IL13RA1: variants seen among roughly 807,000 people sequenced by gnomAD.
IL13RA1 encodes interleukin-13 receptor subunit alpha-1.
Under a neutral mutation model 33.8 loss-of-function variants are expected in IL13RA1, and 14 were observed. That is an observed-to-expected ratio of 0.41 (90% CI 0.27 to 0.65). The LOEUF is 0.65. IL13RA1 is among the 30% of genes least tolerant of loss of function. The pLI, the probability that IL13RA1 is intolerant of heterozygous loss-of-function variation, is 0.28. For missense variants in IL13RA1, 313 were observed against 327.0 expected (o/e 0.96, Z 0.33); for synonymous variants, 116 against 115.7 (o/e 1.00, Z -0.02).
intron 9 of IL13RA1, among the ~76,000 whole-genome samples, chrX:118,774,230 G>T (rs1203212228): frequency 9.5e-6 from 1 of 104,899 alleles, no homozygotes; most frequent in East Asian, 3.0e-4. Context: ...GCTCACTGCA[G>T]CCTCCACCTC....
chrX:118,758,453 C>A (rs2017558008), intron 5 of IL13RA1, among the ~76,000 whole-genome samples: 1 of 111,949 alleles, frequency 8.9e-6, no homozygotes, highest in Non-Finnish European at 1.9e-5. Context: ...GATGCTTTAT[C>A]CTTGTTTAGA....
chrX:118,752,320 A>T (rs114148584), intron 4 of IL13RA1, among the ~76,000 whole-genome samples: 2,114 of 111,275 alleles, frequency 0.019, 55 homozygotes, highest in African/African-American at 0.064. Flanking sequence ...GCCCGCAGCA[A>T]ACTTCTTTCA....
chrX:118,776,547 T>G (rs2017784667), intron 10 of IL13RA1, 36 bp downstream of exon 10: 1 of 474,985 alleles, frequency 2.1e-6, no homozygotes, highest in Non-Finnish European at 3.4e-6. Flanking sequence ...AAATGTTTTT[T>G]TTTTTTTTTT....
intron 10 of IL13RA1, among the ~76,000 whole-genome samples, chrX:118,787,705 G>A (rs1003039260): frequency 2.7e-5 from 3 of 111,601 alleles, no homozygotes; most frequent in Non-Finnish European, 3.8e-5. Context: ...GCTGTTAATT[G>A]CTAATATTCC....
At chrX:118,800,988 C>G in the IL13RA1 span, among the ~76,000 whole-genome samples, 1 of 111,380 alleles carries the variant, frequency 9.0e-6, no homozygotes, top group Non-Finnish European at 1.9e-5. Flanking sequence ...GGGGGTCTCC[C>G]TGTGTTGCCC....
At chrX:118,801,312 T>C in the IL13RA1 span, among the ~76,000 whole-genome samples, 513 of 112,293 alleles carry the variant, frequency 4.6e-3, 5 homozygotes, top group African/African-American at 0.016. Flanking sequence ...CTCTTTTCTC[T>C]TGGTGTTTTA....
intron 6 of IL13RA1, among the ~76,000 whole-genome samples, chrX:118,764,974 G>A (rs1258196349): frequency 8.9e-6 from 1 of 112,219 alleles, no homozygotes; most frequent in African/African-American, 3.2e-5. Flanking sequence ...TATGTAACCA[G>A]CACCACAGAA....
At chrX:118,743,451 T>C (rs1417743172) in intron 2 of IL13RA1, among the ~76,000 whole-genome samples, 2 of 111,406 alleles carry the variant, frequency 1.8e-5, no homozygotes, top group East Asian at 5.6e-4. Context: ...TTAGTGTAAA[T>C]GGCAGCCCTC....
chrX:118,741,287 G>C (rs2017341756), intron 2 of IL13RA1, 131 bp downstream of exon 2: 3 of 467,565 alleles, frequency 6.4e-6, no homozygotes, highest in Non-Finnish European at 1.1e-5. Context: ...ATTTCAGTTG[G>C]GGAAATTATA....
At chrX:118,781,049 A>G (rs1269892509) in intron 10 of IL13RA1, among the ~76,000 whole-genome samples, 1 of 111,540 alleles carries the variant, frequency 9.0e-6, no homozygotes, top group Admixed American at 9.5e-5. Context: ...GTTCATTACT[A>G]TAGTAATGTT....
chrX:118,741,538 A>G (rs1407229123), intron 2 of IL13RA1, among the ~76,000 whole-genome samples: 1 of 111,801 alleles, frequency 8.9e-6, no homozygotes, highest in Non-Finnish European at 1.9e-5. Context: ...AATCACATGG[A>G]CAAATAGATG....
chrX:118,772,210 T>C (rs1391983187), intron 8 of IL13RA1, among the ~76,000 whole-genome samples: 1 of 112,768 alleles, frequency 8.9e-6, no homozygotes, highest in Non-Finnish European at 1.9e-5. Flanking sequence ...GTAATTTCCC[T>C]AGTCACATCT....
intron 1 of IL13RA1, chrX:118,738,031 T>C (rs1458644596): frequency 8.9e-6 from 1 of 111,851 alleles, no homozygotes; most frequent in African/African-American, 3.3e-5. Flanking sequence ...CATACATGCT[T>C]TTAATCACTT....
At chrX:118,735,870 TTCTC>T (rs1457758737) in intron 1 of IL13RA1, among the ~76,000 whole-genome samples, 1 of 111,319 alleles carries the variant, frequency 9.0e-6, no homozygotes, top group African/African-American at 3.3e-5. Context: ...TTCTTCCTCT[TTCTC>T]TCTCTTCTCC....
At chrX:118,744,719 A>AT (rs1247249592) in intron 2 of IL13RA1, among the ~76,000 whole-genome samples, 1 of 111,877 alleles carries the variant, frequency 8.9e-6, no homozygotes, top group East Asian at 2.8e-4. Context: ...CCACTAAGGC[A>AT]TTTTTTAAAT....
intron 2 of IL13RA1, among the ~76,000 whole-genome samples, chrX:118,745,071 T>G (rs1176399752): frequency 1.8e-5 from 2 of 111,883 alleles, no homozygotes; most frequent in Non-Finnish European, 1.9e-5. Context: ...GTCTTCAGCT[T>G]CACATACTCA....
intron 10 of IL13RA1, among the ~76,000 whole-genome samples, chrX:118,778,242 T>C (rs16995265): frequency 0.03 from 3,358 of 111,687 alleles, 147 homozygotes; most frequent in African/African-American, 0.1. Context: ...TGATTCTCAA[T>C]GGTAGTGATG....
chrX:118,778,255 A>ATT (rs1187480370), intron 10 of IL13RA1, among the ~76,000 whole-genome samples: 3 of 111,654 alleles, frequency 2.7e-5, no homozygotes, highest in African/African-American at 9.8e-5. Context: ...TAGTGATGAT[A>ATT]TTTGGTTAGG....
At chrX:118,800,114 A>G in the IL13RA1 span, among the ~76,000 whole-genome samples, 217 of 110,952 alleles carry the variant, frequency 2.0e-3, 1 homozygote, top group Non-Finnish European at 3.6e-3. Context: ...AACTAATCTA[A>G]TGGGGAGGTA....
Sources: allele counts gnomAD v4.1 joint callset (sites outside exome capture counted in the v4.1 genomes callset), GRCh38; gene constraint gnomAD v4.1.1; transcripts MANE v1.5; gene names NCBI Gene and HGNC (gene_info 2026-07-23, HGNC 2026-07-21).